Variants in GHR observed in about 807,000 individuals in gnomAD.
GHR encodes the protein GH receptor.
A neutral mutation model predicts 67.1 loss-of-function variants in GHR; 35 were observed. That is an observed-to-expected ratio of 0.52 (90% CI 0.40 to 0.69). The LOEUF (loss-of-function observed/expected upper bound fraction) is 0.69. Ranked by LOEUF, GHR falls within the 30% of genes least tolerant of loss-of-function variation. The probability of loss-of-function intolerance (pLI) is 0.00; values close to 1 mark genes in which losing one functional copy is unlikely to be tolerated. For synonymous variants in GHR, 272 were observed against 269.1 expected, an observed-to-expected ratio of 1.01 and a Z score of -0.10; for missense variants, 792 against 764.6, an observed-to-expected ratio of 1.04 and a Z score of -0.42.
rs1759028997 is a variant in GHR at position 42,721,671 on chromosome 5, A to G, written c.*2247A>G. On this transcript the variant is annotated 3_prime_UTR_variant, in exon 10 of 10. Coordinates refer to ENST00000230882, the MANE Select transcript of GHR (RefSeq NM_000163.5). The stretch of plus-strand genomic sequence containing the variant: ...TTTCTATAGCCAAAAATAGCTAAAT[A>G]CCTCAATCAGTCTCAGAATGTCATT... The G allele has an allele frequency of 6.5e-6, 1 of 152,674 alleles. No individual in the cohort carries two copies. Among genetic ancestry groups the G allele is most frequent in the South Asian group, 2.1e-4 (1 of 4,836 alleles). The allele number at this position is 152,674 out of a possible 1,614,324, so 9.5% of individuals were successfully genotyped here.
intron 1 of GHR, among the ~76,000 whole-genome samples, chr5:42,432,091 C>T (rs910395293): frequency 7.9e-5 from 12 of 152,174 alleles, no homozygotes; most frequent in African/African-American, 2.9e-4. Context: ...ATTTTTTCCT[C>T]GGTTGTTTAT....
intron 2 of GHR, among the ~76,000 whole-genome samples, chr5:42,590,058 G>A (rs1348648849): frequency 2.0e-5 from 3 of 152,158 alleles, no homozygotes; most frequent in Non-Finnish European, 4.4e-5. Context: ...CTTATTGGGA[G>A]CATGTTGTGT....
Position 42,554,051 on chromosome 5 carries a change from A to G in GHR, c.-11-11813A>G, listed in dbSNP as rs530729094. Among the ~76,000 whole-genome samples the G allele has an allele frequency of 7.6e-4, 115 of 152,252 alleles. 1 individual carries two copies. The highest frequency in any genetic ancestry group is 2.7e-3 in the African/African-American group (111 of 41,544). ...TGTTGCCACAAAAGTTATATAGCAC[A>G]TTTGGTTTGCACTGAATCAGCGATT... is the stretch of plus-strand genomic sequence containing the variant. On this transcript the variant is annotated intron_variant, in intron 1 of 9. Transcript: ENST00000230882.
chr5:42,534,302 GTA>G (rs1238624901), intron 1 of GHR, among the ~76,000 whole-genome samples: 7 of 137,094 alleles, frequency 5.1e-5, no homozygotes, highest in Admixed American at 1.5e-4. Context: ...GTGTATATGT[GTA>G]TATATGTATG....
chr5:42,669,084 G>C (rs1037285481), intron 3 of GHR, among the ~76,000 whole-genome samples: 1 of 152,134 alleles, frequency 6.6e-6, no homozygotes, highest in Non-Finnish European at 1.5e-5. Flanking sequence ...TCAGGAAACT[G>C]GTCCAGCCCC....
At position 42,456,669 on chromosome 5, in the gene GHR, G is replaced by T. The variant is rs1042586805; in HGVS notation, c.-12+32714G>T. On this transcript the variant is annotated intron_variant, in intron 1 of 9. Transcript: ENST00000230882. Reference sequence around the variant, plus strand: ...TGCCTTCCTGGCTCTTGAAGGCATTGTCATTTGTGAAAACTAAACTAGATG... The same window carrying T: ...TGCCTTCCTGGCTCTTGAAGGCATTTTCATTTGTGAAAACTAAACTAGATG... 5.3e-5 allele frequency among the ~76,000 whole-genome samples: 8 copies of T among 152,336 alleles called. 1 individual carries two copies. The highest frequency in any genetic ancestry group is 5.2e-4 in the Admixed American group (8 of 15,302).
chr5:42,491,617 C>A (rs1391909120), intron 1 of GHR, among the ~76,000 whole-genome samples: 2 of 152,142 alleles, frequency 1.3e-5, no homozygotes, highest in Non-Finnish European at 2.9e-5. Flanking sequence ...AACAGGCATA[C>A]CTTATTGTAT....
intron 2 of GHR, among the ~76,000 whole-genome samples, chr5:42,605,113 T>G (rs1580039736): frequency 3.4e-5 from 5 of 148,176 alleles, no homozygotes; most frequent in Admixed American, 3.4e-4. Context: ...TTTTTTTTTT[T>G]TGAGACAGAG....
rs34212627 is a variant in GHR, at chr5:42,591,265, G to A, written c.70+25321G>A. 8.5e-5 allele frequency among the ~76,000 whole-genome samples: 13 copies of A among 152,304 alleles called. No homozygotes were observed. In the East Asian group the frequency reaches 1.5e-3, roughly 18 times the overall value. On this transcript the variant is annotated intron_variant, in intron 2 of 9. Coordinates refer to ENST00000230882, the MANE Select transcript of GHR (RefSeq NM_000163.5). ...CCCAGAAATGGGGCAGACGCTTTTC[G>A]CATTTGGTCATCAAAGGAGTGGCAG...
intron 1 of GHR, among the ~76,000 whole-genome samples, chr5:42,442,140 A>G (rs748371728): frequency 1.3e-5 from 2 of 152,198 alleles, no homozygotes; most frequent in Non-Finnish European, 2.9e-5. Context: ...TGAGTCACCA[A>G]CTGAGACAGG....
intron 2 of GHR, among the ~76,000 whole-genome samples, chr5:42,617,248 A>G (rs1450359110): frequency 1.3e-5 from 2 of 151,962 alleles, no homozygotes; most frequent in Non-Finnish European, 2.9e-5. Context: ...CCTTAAAAAA[A>G]AAAAAGAAGA....
At chr5:42,595,898 T>C (rs1191401314) in intron 2 of GHR, among the ~76,000 whole-genome samples, 3 of 152,232 alleles carry the variant, frequency 2.0e-5, no homozygotes, top group Admixed American at 2.0e-4. Flanking sequence ...ATTGCCTTAA[T>C]ATCTTTTCAT....
At chr5:42,474,295 G>GAGAAAGAAAGAGAAAGAA in intron 1 of GHR, among the ~76,000 whole-genome samples, 1 of 81,070 alleles carries the variant, frequency 1.2e-5, no homozygotes, top group Non-Finnish European at 2.4e-5. Context: ...AAAAGAGAAA[G>GAGAAAGAAAGAGAAAGAA]AGAAAGAAAG....
intron 8 of GHR, chr5:42,715,270 G>T (rs1758665236): frequency 2.0e-5 from 5 of 254,178 alleles, no homozygotes; most frequent in South Asian, 1.9e-4. Context: ...TCTACTGAAA[G>T]TGGGAAATAG....
At chr5:42,575,651 G>T (rs1352143382) in intron 2 of GHR, among the ~76,000 whole-genome samples, 1 of 151,718 alleles carries the variant, frequency 6.6e-6, no homozygotes. Context: ...AGGTAAAGCT[G>T]GCTCCAGCAG....
At chr5:42,622,014 G>A (rs572566031) in intron 2 of GHR, among the ~76,000 whole-genome samples, 2 of 152,238 alleles carry the variant, frequency 1.3e-5, no homozygotes, top group South Asian at 2.1e-4. Context: ...AATTCACTGA[G>A]CCACAAAAGA....
chr5:42,497,460 G>T (rs1003031957), intron 1 of GHR, among the ~76,000 whole-genome samples: 8 of 152,244 alleles, frequency 5.3e-5, no homozygotes, highest in Non-Finnish European at 1.2e-4. Flanking sequence ...CTATTACCAA[G>T]TGTTTCTTGT....
intron 3 of GHR, among the ~76,000 whole-genome samples, chr5:42,640,847 C>T (rs1236260467): frequency 6.6e-6 from 1 of 151,548 alleles, no homozygotes; most frequent in Non-Finnish European, 1.5e-5. Context: ...CCTGAAAGAC[C>T]CTCGTTTGAG....
intron 3 of GHR, among the ~76,000 whole-genome samples, chr5:42,649,770 A>G (rs1024262061): frequency 1.3e-5 from 2 of 152,184 alleles, no homozygotes; most frequent in Non-Finnish European, 2.9e-5. Flanking sequence ...ATTAAATCTT[A>G]AAAGCATGTT....
Sources: allele counts gnomAD v4.1 joint callset (sites outside exome capture counted in the v4.1 genomes callset), GRCh38; gene constraint gnomAD v4.1.1; transcripts MANE v1.5; gene names NCBI Gene and HGNC (gene_info 2026-07-23, HGNC 2026-07-21).